PAX2: variants seen among roughly 807,000 people sequenced by gnomAD.
The protein encoded by PAX2 is paired box 2.
Under a neutral mutation model 41.7 loss-of-function variants are expected in PAX2, and 9 were observed. The observed-to-expected ratio is 0.22, with a 90% CI of 0.13 to 0.38. The LOEUF (loss-of-function observed/expected upper bound fraction) is 0.38. Ranked by LOEUF, PAX2 falls within the 10% of genes least tolerant of loss-of-function variation. The pLI, the probability that PAX2 is intolerant of heterozygous loss-of-function variation, is 1.00. For missense variants in PAX2, 418 were observed against 531.6 expected, an observed-to-expected ratio of 0.79 and a Z score of 2.10; for synonymous variants, 221 against 212.7, an observed-to-expected ratio of 1.04 and a Z score of -0.34.
chr10:100,742,843 C>CTTTTTTTTTTTTTTTTTTTT (rs61627823), upstream of PAX2, among the ~76,000 whole-genome samples: 86 of 41,256 alleles, frequency 2.1e-3, 28 homozygotes, highest in Non-Finnish European at 2.5e-3. Context: ...TTCTTTCTTC[C>CTTTTTTTTTTTTTTTTTTTT]TTTTTTTTTT....
intron 5 of PAX2, among the ~76,000 whole-genome samples, chr10:100,796,618 A>G (rs1325462288): frequency 6.6e-6 from 1 of 152,154 alleles, no homozygotes; most frequent in African/African-American, 2.4e-5. Context: ...TCGTGGAATT[A>G]TGGTCTCTTT....
chr10:100,769,962 A>C (rs936895803), intron 3 of PAX2, among the ~76,000 whole-genome samples: 2 of 152,230 alleles, frequency 1.3e-5, no homozygotes, highest in African/African-American at 4.8e-5. Flanking sequence ...GGATAGAGCC[A>C]GATAAGGGAA....
At chr10:100,817,114 G>A (rs1848213132) in intron 7 of PAX2, among the ~76,000 whole-genome samples, 3 of 152,090 alleles carry the variant, frequency 2.0e-5, no homozygotes, top group Admixed American at 2.0e-4. Flanking sequence ...TTGAGCCTGG[G>A]CCCAACCTCT....
chr10:100,778,705 T>C (rs1431569551), intron 3 of PAX2, among the ~76,000 whole-genome samples: 1 of 152,142 alleles, frequency 6.6e-6, no homozygotes, highest in Non-Finnish European at 1.5e-5. Flanking sequence ...AAAAGCAGGC[T>C]CCTGGAATGT....
At chr10:100,792,430 G>C (rs546726964) in intron 5 of PAX2, among the ~76,000 whole-genome samples, 5 of 152,218 alleles carry the variant, frequency 3.3e-5, no homozygotes, top group Non-Finnish European at 7.3e-5. Flanking sequence ...TGCCCCTATG[G>C]CTTCTGCGAC....
chr10:100,735,398 G>A (rs1844755389), exon 1 of PAX2, among the ~76,000 whole-genome samples: 1 of 152,240 alleles, frequency 6.6e-6, no homozygotes, highest in South Asian at 2.1e-4. Flanking sequence ...GGCGCCTCAG[G>A]CAGCGAGGGT....
chr10:100,759,096 G>C (rs577971883), intron 3 of PAX2, among the ~76,000 whole-genome samples: 3 of 152,268 alleles, frequency 2.0e-5, no homozygotes, highest in Admixed American at 6.5e-5. Context: ...GAAATGGCAC[G>C]GCAGAGCCCG....
Position 100,829,591 on chromosome 10 carries a change from A to G in PAX2, c.*1972A>G, listed in dbSNP as rs1402016587. ...AAATAAAAATCCTTGAACAAATCCG[A>G]AAAGGCTTGGAGTCCTCGCCCAGAT... On this transcript the variant is annotated 3_prime_UTR_variant, in exon 10 of 10. Transcript: ENST00000355243. 1 of 206,976 alleles carries G rather than the reference A, an allele frequency of 4.8e-6. No homozygotes were observed. The highest frequency in any genetic ancestry group is 2.3e-5 in the African/African-American group (1 of 43,770). 12.8% of individuals were successfully genotyped at this position (206,976 alleles called of 1,614,324 possible).
At chr10:100,819,661 C>A (rs1589899305) in intron 7 of PAX2, among the ~76,000 whole-genome samples, 1 of 152,150 alleles carries the variant, frequency 6.6e-6, no homozygotes, top group African/African-American at 2.4e-5. Flanking sequence ...ATGTTAAGGA[C>A]ACCGCCCAGC....
rs1247983387 is a variant in PAX2 at position 100,736,144 on chromosome 10, ACT to A, written c.25+414_25+415del. On this transcript the variant is annotated intron_variant, in intron 1 of 9. Transcript: ENST00000679374. ...AGCGCCTATGCCAGTGGGTGGGGAA[ACT>A]CTGTGTGTACCTGTGTGTAGGGTCT... Among the ~76,000 whole-genome samples the A allele has an allele frequency of 3.3e-5, 5 of 151,742 alleles. No homozygotes were observed. In the East Asian group the frequency reaches 7.8e-4, roughly 24 times the overall value.
At position 100,824,738 on chromosome 10, in the gene PAX2, G is replaced by A. The variant is rs1848492129; in HGVS notation, c.1010G>A (p.Gly337Glu). 5 of 1,602,072 alleles carry A rather than the reference G, an allele frequency of 3.1e-6. No homozygotes were observed. In the East Asian group the frequency reaches 8.9e-5, roughly 29 times the overall value. ...AGCTACCCCACCTCCACCCTGGCAG[G>A]AATGGTGCCTGGTAGGTGACAATGC... Reference protein sequence around the residue: ...QGSYPTSTLAGMVPGSEFSGN... With the variant: ...QGSYPTSTLAEMVPGSEFSGN... The change falls in exon 8 of 10, where the codon GGA becomes GAA. Residue 337 changes from glycine (G) to glutamate (E), a missense_variant. Coordinates refer to ENST00000355243, the MANE Select transcript of PAX2 (RefSeq NM_000278.5). This position sits in a 1 kb window ranked among gnomAD's most constrained non-coding sequence, Gnocchi z 6.6.
chr10:100,775,775 T>C (rs920894256), intron 3 of PAX2, among the ~76,000 whole-genome samples: 2 of 152,188 alleles, frequency 1.3e-5, no homozygotes, highest in African/African-American at 4.8e-5. Context: ...GAGCAGCTGC[T>C]CTGAGCTGCT....
At position 100,748,586 on chromosome 10, in the gene PAX2, G is replaced by A. The variant is rs544421538; in HGVS notation, c.44-1160G>A. The stretch of plus-strand genomic sequence containing the variant: ...TGCGCTTGGATTGCTCAGTACCTGC[G>A]GCTACGGGTTGATCGCTCTGGGTGC... On this transcript the variant is annotated intron_variant, in intron 1 of 9. Transcript: ENST00000355243. The surrounding 1 kb of genome is among the most constrained non-coding windows in gnomAD (Gnocchi z 5.0). 1.0e-6 allele frequency: 1 copy of A among 985,398 alleles called. No individual in the cohort carries two copies. The highest frequency in any genetic ancestry group is 1.2e-6 in the Non-Finnish European group (1 of 829,928). 61.0% of individuals were successfully genotyped at this position (985,398 alleles called of 1,614,324 possible).
intron 3 of PAX2, among the ~76,000 whole-genome samples, chr10:100,778,287 C>T (rs1196851272): frequency 2.0e-5 from 3 of 152,334 alleles, no homozygotes; most frequent in Non-Finnish European, 4.4e-5. Context: ...ATCAATTTCC[C>T]TCTGTTCAGC....
chr10:100,813,135 T>C (rs1194611577), intron 7 of PAX2, among the ~76,000 whole-genome samples: 3 of 152,260 alleles, frequency 2.0e-5, no homozygotes, highest in Non-Finnish European at 4.4e-5. Context: ...GGGCTGTGGA[T>C]TGGACAGGCT....
At chr10:100,764,824 T>A (rs946842308) in intron 3 of PAX2, among the ~76,000 whole-genome samples, 4 of 152,162 alleles carry the variant, frequency 2.6e-5, no homozygotes, top group Admixed American at 6.5e-5. Context: ...GTAGTTTTTT[T>A]AAAAGATAAA....
intron 5 of PAX2, among the ~76,000 whole-genome samples, chr10:100,802,998 C>T (rs903288604): frequency 2.0e-5 from 3 of 152,122 alleles, no homozygotes; most frequent in South Asian, 2.1e-4. Context: ...AGTCCCATGC[C>T]GAGCTCGCTC....
chr10:100,807,188 G>A lies in PAX2; in HGVS notation c.792+583G>A, dbSNP rs572698977. On this transcript the variant is annotated intron_variant, in intron 6 of 9. Coordinates refer to ENST00000355243, the MANE Select transcript of PAX2 (RefSeq NM_000278.5). ...AGCAGCCCAGGACACATAGCATGGG[G>A]CACAGCATGTAACACACCAGCAAAA... Among the ~76,000 whole-genome samples, 4 of 152,190 alleles carry A rather than the reference G, an allele frequency of 2.6e-5. No homozygotes were observed. The South Asian group carries it at 8.3e-4, about 32-fold the overall frequency.
chr10:100,820,116 C>T (rs1292907150), intron 7 of PAX2, among the ~76,000 whole-genome samples: 2 of 152,178 alleles, frequency 1.3e-5, no homozygotes, highest in African/African-American at 2.4e-5. Flanking sequence ...ATACTCCACC[C>T]CATGGAGTTT....
Sources: allele counts gnomAD v4.1 joint callset (sites outside exome capture counted in the v4.1 genomes callset), GRCh38; gene constraint gnomAD v4.1.1; non-coding constraint Gnocchi (gnomAD v3.1); transcripts MANE v1.5; gene names NCBI Gene and HGNC (gene_info 2026-07-23, HGNC 2026-07-21).